IL1RAP: variants seen among roughly 807,000 people sequenced by gnomAD.
IL1RAP encodes the protein interleukin 1 receptor accessory protein.
IL1RAP carries 35 observed loss-of-function variants against 60.7 expected under a neutral mutation model. The ratio of observed to expected loss-of-function variants is 0.58; its 90% CI spans 0.44 to 0.76. IL1RAP has a LOEUF of 0.76. Among genes scored for constraint, IL1RAP ranks in the 30% least tolerant of loss-of-function variants. The probability of loss-of-function intolerance (pLI) is 0.00; values close to 1 mark genes in which losing one functional copy is unlikely to be tolerated. For synonymous variants in IL1RAP, 268 were observed against 250.9 expected, an observed-to-expected ratio of 1.07 and a Z score of -0.64; for missense variants, 572 against 693.9, an observed-to-expected ratio of 0.82 and a Z score of 1.97.
At chr3:190,619,994 A>G (rs180925915) in intron 5 of IL1RAP, among the ~76,000 whole-genome samples, 29 of 152,262 alleles carry the variant, frequency 1.9e-4, no homozygotes, top group African/African-American at 7.0e-4. Context: ...TACTATCAAC[A>G]TAGGATGCCC....
Position 190,650,873 on chromosome 3 carries a change from C to T in IL1RAP, c.*2168C>T. 1.0e-6 allele frequency: 1 copy of T among 985,312 alleles called. No individual in the cohort carries two copies. Among genetic ancestry groups the T allele is most frequent in the Non-Finnish European group, 1.2e-6 (1 of 829,870 alleles). The allele number at this position is 985,312 out of a possible 1,614,324, so 61.0% of individuals were successfully genotyped here. ...GGGAATAGTCTAGTCACCAAAGGAC[C>T]ATTCTCTTGCCAATGCTGCATTCCT... On this transcript the variant is annotated 3_prime_UTR_variant, in exon 12 of 12. Transcript: ENST00000447382.
At chr3:190,525,231 C>G (rs976146719) in intron 1 of IL1RAP, among the ~76,000 whole-genome samples, 9 of 152,068 alleles carry the variant, frequency 5.9e-5, no homozygotes, top group African/African-American at 2.2e-4. Context: ...ATTAAAACAG[C>G]AACCAACATT....
rs532788454 is a variant in IL1RAP, at chr3:190,539,444, A to C, written c.-88-16686A>C. Among the ~76,000 whole-genome samples, 4 of 152,228 alleles carry C rather than the reference A, an allele frequency of 2.6e-5. No homozygotes were observed. In the South Asian group the frequency reaches 8.3e-4, roughly 32 times the overall value. On this transcript the variant is annotated intron_variant, in intron 1 of 11. Transcript: ENST00000447382. The stretch of plus-strand genomic sequence containing the variant: ...TACAGATTGTAACAGACTTATATTC[A>C]GATTTGTTCTCCAAGTATCTCCATC...
intron 7 of IL1RAP, among the ~76,000 whole-genome samples, chr3:190,626,996 C>T (rs1037134645): frequency 2.0e-5 from 3 of 152,086 alleles, no homozygotes; most frequent in African/African-American, 7.2e-5. Flanking sequence ...AAACAAATAT[C>T]ATCATTTTAG....
chr3:190,591,514 CT>C (rs1357167041), intron 3 of IL1RAP, among the ~76,000 whole-genome samples: 1 of 152,120 alleles, frequency 6.6e-6, no homozygotes, highest in Non-Finnish European at 1.5e-5. Context: ...GTATTTTCAG[CT>C]ATCTTACTGG....
intron 3 of IL1RAP, chr3:190,564,648 C>T (rs1339223633): frequency 5.8e-6 from 2 of 341,970 alleles, no homozygotes; most frequent in Non-Finnish European, 1.1e-5. Flanking sequence ...TTTCCCTTAC[C>T]TCAGGTCCTA....
chr3:190,526,230 G>A (rs984503488), intron 1 of IL1RAP, among the ~76,000 whole-genome samples: 1 of 152,194 alleles, frequency 6.6e-6, no homozygotes, highest in Non-Finnish European at 1.5e-5. Flanking sequence ...ATAACCGTAT[G>A]TGGCAGGTGA....
rs769756790 is a variant in IL1RAP at position 190,649,690 on chromosome 3, C to G, written c.*985C>G. ...GTTTTTGTTGCTCCATTGTAAAGGGCGGAGGTCAGTCTTAGTGGCCTTGAG... is the reference window on the plus strand; with the variant it reads ...GTTTTTGTTGCTCCATTGTAAAGGGGGGAGGTCAGTCTTAGTGGCCTTGAG... On this transcript the variant is annotated 3_prime_UTR_variant, in exon 12 of 12. Transcript: ENST00000447382. 1.0e-6 allele frequency: 1 copy of G among 985,720 alleles called. No homozygotes were observed. Among genetic ancestry groups the G allele is most frequent in the Non-Finnish European group, 1.2e-6 (1 of 829,866 alleles). The allele number at this position is 985,720 out of a possible 1,614,324, so 61.1% of individuals were successfully genotyped here.
intron 9 of IL1RAP, among the ~76,000 whole-genome samples, chr3:190,636,434 T>G (rs1733228756): frequency 6.6e-6 from 1 of 152,200 alleles, no homozygotes; most frequent in South Asian, 2.1e-4. Flanking sequence ...GTCTTTTTCA[T>G]GAATTGACTC....
At chr3:190,573,817 T>G (rs1727217212) in intron 3 of IL1RAP, among the ~76,000 whole-genome samples, 1 of 152,194 alleles carries the variant, frequency 6.6e-6, no homozygotes, top group Non-Finnish European at 1.5e-5. Flanking sequence ...AATTACTATA[T>G]AGTGGTGGGT....
intron 7 of IL1RAP, chr3:190,624,554 T>A (rs1481794910): frequency 6.6e-6 from 1 of 152,438 alleles, no homozygotes; most frequent in Non-Finnish European, 1.5e-5. Context: ...AGCATCTGTT[T>A]AAAATGTGCT....
intron 1 of IL1RAP, among the ~76,000 whole-genome samples, chr3:190,549,560 T>G (rs563368754): frequency 1.3e-5 from 2 of 152,226 alleles, no homozygotes; most frequent in African/African-American, 4.8e-5. Flanking sequence ...TTAGAAAACA[T>G]GTATTTAAAT....
rs557711786 is a variant in IL1RAP at position 190,530,116 on chromosome 3, A to G, written c.-89+15897A>G. 5.9e-5 allele frequency among the ~76,000 whole-genome samples: 9 copies of G among 152,314 alleles called. No individual in the cohort carries two copies. The East Asian group carries it at 1.7e-3, about 29-fold the overall frequency. On this transcript the variant is annotated intron_variant, in intron 1 of 11. Coordinates refer to ENST00000447382, the MANE Select transcript of IL1RAP (RefSeq NM_002182.4). ...CAGAAGTGACTTTTATCTTAGAGAAAGGGAAGATAATGAAAACATAAAGTG... is the reference window on the plus strand; with the variant it reads ...CAGAAGTGACTTTTATCTTAGAGAAGGGGAAGATAATGAAAACATAAAGTG...
intron 1 of IL1RAP, chr3:190,518,973 A>C (rs1175974600): frequency 6.6e-6 from 1 of 152,228 alleles, no homozygotes; most frequent in Non-Finnish European, 1.5e-5. Flanking sequence ...ATTTTATTCT[A>C]GAGTTAGGAA....
rs954232942 is a variant in IL1RAP, at chr3:190,649,896, G to C, written c.*1191G>C. On this transcript the variant is annotated 3_prime_UTR_variant, in exon 12 of 12. Transcript: ENST00000447382. ...TAAGACTTGGAAAACTAAGTGCAGA[G>C]TTTACAGAGTGGTAAATATCTATGT... 2.0e-6 allele frequency: 2 copies of C among 979,698 alleles called. No homozygotes were observed. The highest frequency in any genetic ancestry group is 2.4e-6 in the Non-Finnish European group (2 of 824,986). The allele number at this position is 979,698 out of a possible 1,614,324, so 60.7% of individuals were successfully genotyped here.
At chr3:190,573,319 A>G (rs1391581925) in intron 3 of IL1RAP, among the ~76,000 whole-genome samples, 29 of 148,110 alleles carry the variant, frequency 2.0e-4, no homozygotes, top group Non-Finnish European at 1.5e-5. Flanking sequence ...GGCAGAAACA[A>G]TCTGCTGTTT....
At chr3:190,566,648 C>T (rs1726429974) in intron 3 of IL1RAP, among the ~76,000 whole-genome samples, 1 of 152,168 alleles carries the variant, frequency 6.6e-6, no homozygotes, top group African/African-American at 2.4e-5. Flanking sequence ...GTAATCCCCT[C>T]AGCCCATCTG....
At chr3:190,564,381 T>G (rs756031390) in intron 3 of IL1RAP, 28 bp downstream of exon 3, 1 of 1,504,768 alleles carries the variant, frequency 6.6e-7, no homozygotes, top group Non-Finnish European at 9.3e-7. Context: ...GACAATGTAT[T>G]AAAATGCAAG....
chr3:190,606,709 C>T (rs1730358193), intron 4 of IL1RAP, among the ~76,000 whole-genome samples: 1 of 152,116 alleles, frequency 6.6e-6, no homozygotes, highest in African/African-American at 2.4e-5. Context: ...TTCCATGTTC[C>T]TAAAGCAAAT....
Sources: gnomAD v4.1 joint callset for allele counts (sites outside exome capture counted in the v4.1 genomes callset) on GRCh38, gnomAD v4.1.1 for gene constraint, MANE v1.5 for transcripts, NCBI Gene and HGNC (gene_info 2026-07-23, HGNC 2026-07-21) for gene names.